The following ADPRHL1 variants were observed in gnomAD, a reference collection of about 807,000 sequenced individuals.
ADPRHL1 encodes the protein inactive ADP-ribosyltransferase ARH2.
Under a neutral mutation model 44.1 loss-of-function variants are expected in ADPRHL1, and 43 were observed. The observed-to-expected ratio is 0.98, with a 90% CI of 0.76 to 1.26. The LOEUF (loss-of-function observed/expected upper bound fraction) is 1.26, where lower values mean the gene tolerates loss of function less well. Among genes scored for constraint, ADPRHL1 ranks in the 50% most tolerant of loss-of-function variants. The pLI is 0.00. For missense variants in ADPRHL1, 2,022 were observed against 2,496.9 expected, an observed-to-expected ratio of 0.81 and a Z score of 4.05; for synonymous variants, 878 against 1,017.4, an observed-to-expected ratio of 0.86 and a Z score of 2.61.
Position 113,407,001 on chromosome 13 carries a change from C to T in ADPRHL1, c.2281G>A (p.Ala761Thr). 1 of 1,232,276 alleles carries T rather than the reference C, an allele frequency of 8.1e-7. No homozygotes were observed. Among genetic ancestry groups the T allele is most frequent in the Non-Finnish European group, 1.0e-6 (1 of 988,102 alleles). The allele number at this position is 1,232,276 out of a possible 1,614,324, so 76.3% of individuals were successfully genotyped here. A position where few individuals can be genotyped will look rare whatever the true frequency, so the allele number is the denominator to read the frequency against. Residue 761 changes from alanine (A) to threonine (T), a missense_variant, in exon 8 of 8, where the codon GCC becomes ACC. This residue lies in a region of ADPRHL1 where 1,221 missense variants were observed against 1,517.8 expected (regional missense o/e 0.80). Coordinates refer to ENST00000612156, the MANE Select transcript of ADPRHL1 (RefSeq NM_001394807.1). ...GGCCCAGGAGGCCACGTGAGCCTGG[C>T]TCCCCTCACCTCCTGGACGCCTCCT... ...TAGGVQEVRG[A>T]RLTWPPGPPG...
intron 2 of ADPRHL1, among the ~76,000 whole-genome samples, chr13:113,442,286 C>T (rs1439431046): frequency 6.6e-6 from 1 of 152,196 alleles, no homozygotes; most frequent in African/African-American, 2.4e-5. Flanking sequence ...GAGATCCTCT[C>T]TCTACAAAAA....
At chr13:113,423,621 C>T (rs1236928912) in intron 6 of ADPRHL1, among the ~76,000 whole-genome samples, 2 of 152,240 alleles carry the variant, frequency 1.3e-5, no homozygotes, top group Non-Finnish European at 2.9e-5. Flanking sequence ...CCACAAGGCA[C>T]AGGGTTGACC....
At chr13:113,445,291 G>A (rs1357812171) in intron 1 of ADPRHL1, among the ~76,000 whole-genome samples, 1 of 152,252 alleles carries the variant, frequency 6.6e-6, no homozygotes, top group African/African-American at 2.4e-5. Context: ...GAGGTTATGT[G>A]TCTTGGCCAA....
intron 1 of ADPRHL1, among the ~76,000 whole-genome samples, chr13:113,446,500 A>G (rs1195397824): frequency 2.0e-5 from 3 of 152,150 alleles, no homozygotes; most frequent in Admixed American, 6.5e-5. Context: ...TGTTGTCTAC[A>G]TGCACGGTGT....
In ADPRHL1 at chr13:113,404,135, G is replaced by C; in HGVS notation, c.5147C>G (p.Ala1716Gly). ...AGCCCGTTCCTGAGCCCCTTTCTGG[G>C]CCTGTTCCCGAGCCCGCTCCTGAGC... ...KGAQERAREQ[A>G]QKGAQERARE... The change falls in exon 8 of 8, where the codon GCC (alanine) becomes GGC (glycine). Residue 1716 changes from alanine to glycine, a missense_variant. Transcript: ENST00000612156. The C allele has an allele frequency of 1.3e-6, 1 of 752,418 alleles. No homozygotes were observed. The highest frequency in any genetic ancestry group is 1.6e-6 in the Non-Finnish European group (1 of 608,028). 46.6% of individuals were successfully genotyped at this position (752,418 alleles called of 1,614,324 possible).
rs778769095 is a variant in ADPRHL1, at chr13:113,422,939, G to T, written c.948C>A (p.Phe316Leu). 6.2e-7 allele frequency: 1 copy of T among 1,612,914 alleles called. No individual in the cohort carries two copies. Among genetic ancestry groups the T allele is most frequent in the African/African-American group, 1.3e-5 (1 of 75,058 alleles). ...AATGTIAGCLFGLLYGLDLVP... is the reference protein window; with the variant it reads ...AATGTIAGCLLGLLYGLDLVP... ...CGAGGTCCAGGCCGTACAGCAACCC[G>T]AACAGGCAGCCTGCAATGGTGCCCG... The change falls in exon 7 of 8, where the codon TTC becomes TTA. Residue 316 changes from phenylalanine (F) to leucine (L), a missense_variant. Physicochemically the swap from Phe to Leu is conservative, Grantham distance 22. This residue lies in a region of ADPRHL1 where 437 missense variants were observed against 430.7 expected (regional missense o/e 1.01). Coordinates refer to ENST00000612156, the MANE Select transcript of ADPRHL1 (RefSeq NM_001394807.1).
intron 1 of ADPRHL1, among the ~76,000 whole-genome samples, chr13:113,448,767 C>T (rs549192499): frequency 2.0e-5 from 3 of 152,334 alleles, no homozygotes; most frequent in East Asian, 1.9e-4. Context: ...TTCGGCCACA[C>T]GGGCCTGCAC....
chr13:113,420,139 A>G (rs2043908171), intron 7 of ADPRHL1, among the ~76,000 whole-genome samples: 1 of 152,314 alleles, frequency 6.6e-6, no homozygotes, highest in South Asian at 2.1e-4. Context: ...TATCGCAAAA[A>G]TGAAACCTGC....
intron 7 of ADPRHL1, among the ~76,000 whole-genome samples, chr13:113,413,039 C>T (rs2043867240): frequency 8.0e-6 from 1 of 124,472 alleles, no homozygotes; most frequent in Non-Finnish European, 1.6e-5. Context: ...GCTCGGTTCA[C>T]CCACCGCCAA....
chr13:113,409,414 C>T lies in ADPRHL1; in HGVS notation c.1062-1194G>A. On this transcript the variant is annotated intron_variant, in intron 7 of 7. Transcript: ENST00000612156. The surrounding 1 kb of genome is among the most constrained non-coding windows in gnomAD (Gnocchi z 4.2). The stretch of plus-strand genomic sequence containing the variant: ...ATGAGGAACAAAGACTCGAGTATTA[C>T]AGGAAAAGTCGCCTTCATGGTGCCG... 1.0e-6 allele frequency: 1 copy of T among 985,350 alleles called. No individual in the cohort carries two copies. The highest frequency in any genetic ancestry group is 4.7e-5 in the South Asian group (1 of 21,284). 61.0% of individuals were successfully genotyped at this position (985,350 alleles called of 1,614,324 possible).
At chr13:113,433,271 AG>A (rs1173305411) in intron 3 of ADPRHL1, among the ~76,000 whole-genome samples, 1 of 152,152 alleles carries the variant, frequency 6.6e-6, no homozygotes, top group Non-Finnish European at 1.5e-5. Flanking sequence ...AGGGCACAGC[AG>A]GAAAATGCAG....
chr13:113,433,895 G>C, intron 2 of ADPRHL1, 28 bp from the exon 3 acceptor site: 1 of 1,518,942 alleles, frequency 6.6e-7, no homozygotes, highest in Non-Finnish European at 8.9e-7. Flanking sequence ...AGCTAGTTTA[G>C]ACTTCTGCTC....
chr13:113,451,130 T>A (rs1329208653), intron 1 of ADPRHL1, among the ~76,000 whole-genome samples: 1 of 152,228 alleles, frequency 6.6e-6, no homozygotes, highest in Non-Finnish European at 1.5e-5. Flanking sequence ...ACTCTTGTCT[T>A]CTGGTCACAC....
At chr13:113,439,355 T>G (rs2044081899) in intron 2 of ADPRHL1, among the ~76,000 whole-genome samples, 1 of 152,102 alleles carries the variant, frequency 6.6e-6, no homozygotes, top group South Asian at 2.1e-4. Context: ...ACTCCTGACC[T>G]CAGGTGATCT....
At chr13:113,411,607 T>C (rs2139601974) in intron 7 of ADPRHL1, among the ~76,000 whole-genome samples, 2 of 152,342 alleles carry the variant, frequency 1.3e-5, no homozygotes, top group Middle Eastern at 6.8e-3. Context: ...AGCGTGATCA[T>C]CTGAGACACG....
At chr13:113,424,118 T>A (rs1595544336) in intron 6 of ADPRHL1, 99 bp downstream of exon 6, 9 of 1,459,888 alleles carry the variant, frequency 6.2e-6, no homozygotes, top group Non-Finnish European at 3.7e-6. Flanking sequence ...GCTCAGGAGG[T>A]GGCCCCTGAA....
At chr13:113,438,447 A>G (rs1005966490) in intron 2 of ADPRHL1, among the ~76,000 whole-genome samples, 1 of 152,112 alleles carries the variant, frequency 6.6e-6, no homozygotes, top group Non-Finnish European at 1.5e-5. Flanking sequence ...TAATCCCAGC[A>G]CTTTGGGAGG....
intron 5 of ADPRHL1, 87 bp downstream of exon 5, chr13:113,424,965 C>T (rs200254305): frequency 4.0e-6 from 6 of 1,506,194 alleles, no homozygotes; most frequent in Non-Finnish European, 5.5e-6. Flanking sequence ...CATTCACCTA[C>T]CCACCCACCC....
intron 7 of ADPRHL1, among the ~76,000 whole-genome samples, chr13:113,410,333 G>A (rs945169294): frequency 2.6e-5 from 4 of 152,260 alleles, no homozygotes; most frequent in South Asian, 2.1e-4. Flanking sequence ...CACCACCAAC[G>A]CCTCTGATCC....
Sources: gnomAD v4.1 joint callset for allele counts (sites outside exome capture counted in the v4.1 genomes callset) on GRCh38, gnomAD v4.1.1 for gene constraint, gnomAD v4.1.1 regional missense constraint, Gnocchi (gnomAD v3.1) non-coding constraint, MANE v1.5 for transcripts, NCBI Gene and HGNC (gene_info 2026-07-23, HGNC 2026-07-21) for gene names.